LRRC15: variants seen among roughly 807,000 people sequenced by gnomAD.
LRRC15 encodes the protein leucine rich repeat containing 15.
A neutral mutation model predicts 4.3 loss-of-function variants in LRRC15; 5 were observed. The ratio of observed to expected loss-of-function variants is 1.16; its 90% confidence interval spans 0.61 to 2.44. The LOEUF is 2.44. Ranked by LOEUF, LRRC15 falls within the 30% of genes most tolerant of loss-of-function variation. LRRC15 has a pLI of 0.01. For synonymous variants in LRRC15, 337 were observed against 323.2 expected, an observed-to-expected ratio of 1.04 and a Z score of -0.46; for missense variants, 769 against 747.0, an observed-to-expected ratio of 1.03 and a Z score of -0.34.
At chr3:194,367,382 C>T (rs1266764948) in intron 1 of LRRC15, among the ~76,000 whole-genome samples, 2 of 152,120 alleles carry the variant, frequency 1.3e-5, no homozygotes, top group Non-Finnish European at 2.9e-5. Flanking sequence ...ATCTCTGCTA[C>T]TGCAAGCTCT....
In LRRC15 at chr3:194,358,551, C is replaced by G. The variant is rs1560043786; in HGVS notation, c.*747G>C. 1 of 152,458 alleles carries G rather than the reference C, an allele frequency of 6.6e-6. No homozygotes were observed. The highest frequency in any genetic ancestry group is 1.5e-5 in the Non-Finnish European group (1 of 68,030). 9.4% of individuals were successfully genotyped at this position (152,458 alleles called of 1,614,324 possible). A position where few individuals can be genotyped will look rare whatever the true frequency, so the allele number is the denominator to read the frequency against. On this transcript the variant is annotated 3_prime_UTR_variant, in exon 2 of 2. Coordinates refer to ENST00000347624, the MANE Select transcript of LRRC15 (RefSeq NM_130830.5). The stretch of plus-strand genomic sequence containing the variant: ...GCAAAGTTTGCAGTTTGGAAATATC[C>G]TTCTCTAAAAGGCTGAGCTTGCTGT...
At chr3:194,363,852 A>T (rs1713705292) in intron 1 of LRRC15, among the ~76,000 whole-genome samples, 1 of 152,216 alleles carries the variant, frequency 6.6e-6, no homozygotes, top group African/African-American at 2.4e-5. Context: ...AATTAAAATT[A>T]AAATGAAGGA....
Position 194,360,881 on chromosome 3 carries a change from C to G in LRRC15, c.163G>C (p.Ala55Pro). The G allele has an allele frequency of 6.2e-7, 1 of 1,607,070 alleles. No homozygotes were observed. Among genetic ancestry groups the G allele is most frequent in the Non-Finnish European group, 8.5e-7 (1 of 1,175,948 alleles). ...GTGTTGAGGATCTGCAGGCTCATGG[C>G]GTTCCAGGGCAGAGGGGTGGGCACT... ...VAVPTPLPWN[A>P]MSLQILNTHI... The change falls in exon 2 of 2, where the codon GCC (alanine) becomes CCC (proline). Residue 55 changes from alanine (A) to proline (P), a missense_variant. Ala to Pro is a conservative substitution (Grantham distance 27). Transcript: ENST00000347624.
At chr3:194,368,167 C>A (rs1221593479) in intron 1 of LRRC15, among the ~76,000 whole-genome samples, 2 of 152,226 alleles carry the variant, frequency 1.3e-5, no homozygotes, top group African/African-American at 4.8e-5. Flanking sequence ...GGCCATAAAT[C>A]TGAAGCAGCA....
chr3:194,359,986 A>G lies in LRRC15; in HGVS notation c.1058T>C (p.Leu353Pro). ...GAAGACGTTCCCGTCCAGGTCCTGC[A>G]GTGCGTTGGTGTGGAGGGACAGCTC... is the stretch of plus-strand genomic sequence containing the variant. ...LRELSLHTNA[L>P]QDLDGNVFRM... Residue 353 changes from leucine (L) to proline (P), a missense_variant, in exon 2 of 2, where the codon CTG (leucine) becomes CCG (proline). Transcript: ENST00000347624. The G allele has an allele frequency of 1.2e-6, 2 of 1,614,208 alleles. No individual in the cohort carries two copies. The highest frequency in any genetic ancestry group is 1.7e-6 in the Non-Finnish European group (2 of 1,180,024).
chr3:194,361,258 C>T (rs1250287335), intron 1 of LRRC15, among the ~76,000 whole-genome samples: 7 of 152,268 alleles, frequency 4.6e-5, no homozygotes, highest in African/African-American at 1.7e-4. Context: ...ATTCTCCCTA[C>T]CTGGAATGTC....
At chr3:194,364,521 G>A (rs142908235) in intron 1 of LRRC15, among the ~76,000 whole-genome samples, 6 of 152,226 alleles carry the variant, frequency 3.9e-5, no homozygotes, top group African/African-American at 1.4e-4. Context: ...CATCTATGAA[G>A]GACAGTGTAG....
chr3:194,361,570 A>C lies in LRRC15; in HGVS notation c.-3-524T>G, dbSNP rs116022296. 5.2e-3 allele frequency among the ~76,000 whole-genome samples: 787 copies of C among 152,292 alleles called. 6 individuals carry two copies. Among genetic ancestry groups the C allele is most frequent in the African/African-American group, 0.019 (770 of 41,542 alleles). On this transcript the variant is annotated intron_variant, in intron 1 of 1. Coordinates refer to ENST00000347624, the MANE Select transcript of LRRC15 (RefSeq NM_130830.5). ...TCACATCATCTGAATGTGCTGGTTA[A>C]GCACAGCCCTGTCAGGAGGAACACA...
At chr3:194,368,854 G>A (rs1218129845) in intron 1 of LRRC15, among the ~76,000 whole-genome samples, 1 of 152,188 alleles carries the variant, frequency 6.6e-6, no homozygotes, top group African/African-American at 2.4e-5. Context: ...TTTGAGCAGA[G>A]ACACGGGTCA....
intron 1 of LRRC15, among the ~76,000 whole-genome samples, chr3:194,366,807 G>A (rs1179166830): frequency 1.4e-5 from 2 of 142,900 alleles, no homozygotes; most frequent in Non-Finnish European, 3.0e-5. Context: ...TGCTCATTTT[G>A]TAGTTGGGAA....
intron 1 of LRRC15, chr3:194,363,422 A>C (rs1465305829): frequency 4.3e-6 from 3 of 693,176 alleles, no homozygotes; most frequent in Non-Finnish European, 8.0e-6. Flanking sequence ...TCTGAAAAAA[A>C]GTAAAAACTT....
At position 194,360,026 on chromosome 3, in the gene LRRC15, G is replaced by A. The variant is rs753511120; in HGVS notation, c.1018C>T (p.Leu340=). 9 of 1,614,238 alleles carry A rather than the reference G, an allele frequency of 5.6e-6. No individual in the cohort carries two copies. ...SFISPGAFNG[L]TELRELSLHT... Reference sequence around the variant, plus strand: ...AGGGACAGCTCCCGAAGCTCCGTTAGCCCGTTGAAGGCACCCGGGGAGATG... The same window carrying A: ...AGGGACAGCTCCCGAAGCTCCGTTAACCCGTTGAAGGCACCCGGGGAGATG... Residue 340 remains leucine, a synonymous_variant, in exon 2 of 2, where the codon CTA becomes TTA. Coordinates refer to ENST00000347624, the MANE Select transcript of LRRC15 (RefSeq NM_130830.5).
At position 194,360,140 on chromosome 3, in the gene LRRC15, C is replaced by T. The variant is rs1347280986; in HGVS notation, c.904G>A (p.Asp302Asn). 1 of 1,614,226 alleles carries T rather than the reference C, an allele frequency of 6.2e-7. No individual in the cohort carries two copies. Among genetic ancestry groups the T allele is most frequent in the Admixed American group, 1.7e-5 (1 of 60,030 alleles). The change falls in exon 2 of 2, where the codon GAC becomes AAC. Residue 302 changes from aspartate (D) to asparagine (N), a missense_variant. Physicochemically the swap from Asp to Asn is conservative, Grantham distance 23. Transcript: ENST00000347624. ...MPNLRELWLY[D>N]NHISSLPDNV... ...TCGGGTAGAGAAGAGATGTGGTTGT[C>T]ATAGAGCCAAAGCTCCCGCAGGTTG...
intron 1 of LRRC15, among the ~76,000 whole-genome samples, chr3:194,364,523 A>G (rs527969432): frequency 6.6e-6 from 1 of 152,218 alleles, no homozygotes; most frequent in South Asian, 2.1e-4. Flanking sequence ...TCTATGAAGG[A>G]CAGTGTAGGA....
rs372779978 is a variant in LRRC15, at chr3:194,360,176, C to G, written c.868G>C (p.Gly290Arg). Residue 290 changes from glycine (G) to arginine (R), a missense_variant, in exon 2 of 2, where the codon GGG (glycine) becomes CGG (arginine). Physicochemically the swap from Gly to Arg is moderately radical, Grantham distance 125 (BLOSUM62 -2). Coordinates refer to ENST00000347624, the MANE Select transcript of LRRC15 (RefSeq NM_130830.5). ...SLKELSPGIF[G>R]PMPNLRELWL... ...AGCTCCCGCAGGTTGGGCATGGGCC[C>G]GAAGATCCCCGGAGAGAGCTCCTTC... The G allele has an allele frequency of 1.9e-6, 3 of 1,613,762 alleles. No individual in the cohort carries two copies. The highest frequency in any genetic ancestry group is 2.5e-6 in the Non-Finnish European group (3 of 1,179,748).
chr3:194,356,611 C>T lies in LRRC15; in HGVS notation c.*2687G>A, dbSNP rs1016518184. The stretch of plus-strand genomic sequence containing the variant: ...CAAGAGGTTCACATAAGGGGGCCCT[C>T]ACCCCTCACCTAGGGTGCTCCTGGG... On this transcript the variant is annotated 3_prime_UTR_variant, in exon 2 of 2. Transcript: ENST00000347624. 6.6e-6 allele frequency: 1 copy of T among 152,306 alleles called. No homozygotes were observed. The highest frequency in any genetic ancestry group is 2.4e-5 in the African/African-American group (1 of 41,472). 9.4% of individuals were successfully genotyped at this position (152,306 alleles called of 1,614,324 possible). A position where few individuals can be genotyped will look rare whatever the true frequency, so the allele number is the denominator to read the frequency against.
chr3:194,359,176 T>C lies in LRRC15; in HGVS notation c.*122A>G. 1 of 944,582 alleles carries C rather than the reference T, an allele frequency of 1.1e-6. No homozygotes were observed. Among genetic ancestry groups the C allele is most frequent in the Non-Finnish European group, 1.6e-6 (1 of 641,206 alleles). 58.5% of individuals were successfully genotyped at this position (944,582 alleles called of 1,614,324 possible). A position where few individuals can be genotyped will look rare whatever the true frequency, so the allele number is the denominator to read the frequency against. On this transcript the variant is annotated 3_prime_UTR_variant, in exon 2 of 2. Coordinates refer to ENST00000347624, the MANE Select transcript of LRRC15 (RefSeq NM_130830.5). Reference sequence around the variant, plus strand: ...AAGTCAGGAAGAGGTAGGCTCACCTTTCTCTGGGGCCAGAAAGAGCAATCA... The same window carrying C: ...AAGTCAGGAAGAGGTAGGCTCACCTCTCTCTGGGGCCAGAAAGAGCAATCA...
rs1417870475 is a variant in LRRC15 at position 194,360,198 on chromosome 3, C to T, written c.846G>A (p.Lys282=). The T allele has an allele frequency of 6.2e-7, 1 of 1,613,866 alleles. No individual in the cohort carries two copies. Among genetic ancestry groups the T allele is most frequent in the African/African-American group, 1.3e-5 (1 of 75,066 alleles). The change falls in exon 2 of 2, where the codon AAG becomes AAA. Residue 282 remains lysine, a synonymous_variant. Coordinates refer to ENST00000347624, the MANE Select transcript of LRRC15 (RefSeq NM_130830.5). ...NRLTLFGNSL[K]ELSPGIFGPM... ...GCCCGAAGATCCCCGGAGAGAGCTC[C>T]TTCAGGGAATTCCCAAAGAGAGTAA...
chr3:194,359,577 C>G lies in LRRC15; in HGVS notation c.1467G>C (p.Trp489Cys). The G allele has an allele frequency of 6.2e-7, 1 of 1,613,806 alleles. No homozygotes were observed. Among genetic ancestry groups the G allele is most frequent in the South Asian group, 1.1e-5 (1 of 91,018 alleles). The change falls in exon 2 of 2, where the codon TGG (tryptophan) becomes TGC (cysteine). Residue 489 changes from tryptophan to cysteine, a missense_variant. Trp to Cys is a radical substitution (Grantham distance 215). Transcript: ENST00000347624. ...CAGGGTAACTGGGTGTGTCTGGGTA[C>G]CATGGTGTTTCTGGGTAACTAGGCA... ...PEVPSYPETPWYPDTPSYPDT... is the reference protein window; with the variant it reads ...PEVPSYPETPCYPDTPSYPDT...
Sources: gnomAD v4.1 joint callset for allele counts (sites outside exome capture counted in the v4.1 genomes callset) on GRCh38, gnomAD v4.1.1 for gene constraint, MANE v1.5 for transcripts, NCBI Gene and HGNC (gene_info 2026-07-23, HGNC 2026-07-21) for gene names.